FER: variants seen among roughly 807,000 people sequenced by gnomAD.
FER encodes the protein tyrosine-protein kinase Fer.
Under a neutral mutation model 111.0 loss-of-function variants are expected in FER, and 63 were observed. The ratio of observed to expected loss-of-function variants is 0.57; its 90% CI spans 0.46 to 0.70. FER has a LOEUF of 0.70. Ranked by LOEUF, FER falls within the 30% of genes least tolerant of loss-of-function variation. The pLI is 0.00. For synonymous variants in FER, 327 were observed against 313.9 expected (o/e 1.04, Z -0.44); for missense variants, 914 against 954.0 (o/e 0.96, Z 0.55).
At position 108,910,351 on chromosome 5, in the gene FER, T is replaced by A. The variant is rs1561600926; in HGVS notation, c.1236+12503T>A. 7.9e-5 allele frequency among the ~76,000 whole-genome samples: 12 copies of A among 152,310 alleles called. No individual in the cohort carries two copies. The South Asian group carries it at 2.3e-3, about 29-fold the overall frequency. Reference sequence around the variant, plus strand: ...TTCACATCAGCCAGTCTGGTTATAGTGGTCTCAACAAGAATGGGTACAGTG... The same window carrying A: ...TTCACATCAGCCAGTCTGGTTATAGAGGTCTCAACAAGAATGGGTACAGTG... On this transcript the variant is annotated intron_variant, in intron 10 of 19. Transcript: ENST00000281092.
chr5:109,158,842 A>G (rs573285360), intron 17 of FER, among the ~76,000 whole-genome samples: 20 of 152,242 alleles, frequency 1.3e-4, no homozygotes, highest in African/African-American at 4.8e-4. Context: ...TTTCTGCCAT[A>G]TCTTAGAATC....
At chr5:108,871,918 C>T (rs1764639974) in intron 7 of FER, among the ~76,000 whole-genome samples, 175 bp from the exon 8 acceptor site, 1 of 152,010 alleles carries the variant, frequency 6.6e-6, no homozygotes, top group Admixed American at 6.6e-5. Flanking sequence ...GATAAGGAAT[C>T]TAAGTCTCAA....
intron 13 of FER, among the ~76,000 whole-genome samples, chr5:109,006,398 G>C (rs1400110755): frequency 1.3e-5 from 2 of 152,114 alleles, no homozygotes; most frequent in African/African-American, 2.4e-5. Flanking sequence ...GAGTTCCTCT[G>C]CAAGTGTTCT....
chr5:109,160,632 C>A (rs1157198646), intron 17 of FER, among the ~76,000 whole-genome samples: 2 of 152,236 alleles, frequency 1.3e-5, no homozygotes, highest in East Asian at 3.9e-4. Context: ...GTTTTCATTA[C>A]TGTTGCCTTT....
intron 13 of FER, among the ~76,000 whole-genome samples, chr5:108,960,968 G>A (rs921675174): frequency 6.6e-6 from 1 of 152,096 alleles, no homozygotes; most frequent in Non-Finnish European, 1.5e-5. Context: ...CATGCCTGTA[G>A]TCCCAGCTAC....
chr5:108,772,410 C>T (rs1753026320), intron 2 of FER, among the ~76,000 whole-genome samples: 1 of 129,568 alleles, frequency 7.7e-6, no homozygotes, highest in Non-Finnish European at 1.7e-5. Flanking sequence ...GCTTCTTATG[C>T]CTCTTTATTC....
At chr5:108,963,161 C>G (rs1581415061) in intron 13 of FER, among the ~76,000 whole-genome samples, 1 of 152,196 alleles carries the variant, frequency 6.6e-6, no homozygotes, top group East Asian at 1.9e-4. Flanking sequence ...TTAAATGACA[C>G]TTTTGGAAGA....
chr5:108,913,276 A>G (rs946749971), intron 10 of FER, among the ~76,000 whole-genome samples: 1 of 152,176 alleles, frequency 6.6e-6, no homozygotes, highest in African/African-American at 2.4e-5. Flanking sequence ...GCAAAATGAA[A>G]CCATCAGCAT....
chr5:109,117,109 T>C (rs1178302650), intron 17 of FER, among the ~76,000 whole-genome samples: 1 of 152,178 alleles, frequency 6.6e-6, no homozygotes, highest in Non-Finnish European at 1.5e-5. Flanking sequence ...CTTTCTCAGA[T>C]ATAATATGTT....
chr5:108,997,838 G>A (rs1764197441), intron 13 of FER, among the ~76,000 whole-genome samples: 2 of 152,132 alleles, frequency 1.3e-5, no homozygotes. Flanking sequence ...CCAGAGAGGA[G>A]GAATCTAGAG....
intron 5 of FER, among the ~76,000 whole-genome samples, chr5:108,837,933 A>G (rs1760835718): frequency 6.6e-6 from 1 of 152,100 alleles, no homozygotes; most frequent in African/African-American, 2.4e-5. Flanking sequence ...GGTATTCATG[A>G]TAGTATTTTT....
intron 3 of FER, among the ~76,000 whole-genome samples, chr5:108,825,261 T>C (rs902534910): frequency 6.6e-6 from 1 of 151,722 alleles, no homozygotes; most frequent in African/African-American, 2.4e-5. Context: ...GAGACTGGAG[T>C]TTATTTCACC....
chr5:109,153,363 G>A (rs1161839651), intron 17 of FER, among the ~76,000 whole-genome samples: 1 of 151,648 alleles, frequency 6.6e-6, no homozygotes, highest in Non-Finnish European at 1.5e-5. Context: ...TGATATGATT[G>A]TTTTTCTTTG....
intron 16 of FER, among the ~76,000 whole-genome samples, chr5:109,059,804 A>G (rs1392025384): frequency 6.6e-6 from 1 of 152,212 alleles, no homozygotes; most frequent in African/African-American, 2.4e-5. Context: ...AATCTTTCAT[A>G]TGACCTAAGA....
At position 109,189,403 on chromosome 5, in the gene FER, T is replaced by C. The variant is rs1003479679; in HGVS notation, c.*1828T>C. 8 of 152,228 alleles carry C rather than the reference T, an allele frequency of 5.3e-5. No individual in the cohort carries two copies. The highest frequency in any genetic ancestry group is 1.2e-4 in the Non-Finnish European group (8 of 68,032). The allele number at this position is 152,228 out of a possible 1,614,324, so 9.4% of individuals were successfully genotyped here. On this transcript the variant is annotated 3_prime_UTR_variant, in exon 20 of 20. Coordinates refer to ENST00000281092, the MANE Select transcript of FER (RefSeq NM_005246.4). The stretch of plus-strand genomic sequence containing the variant: ...GCCCTCTCCAGCTGTTTGCTGCCTG[T>C]ACCATCGCACAGAACTCACACCAGT...
chr5:108,825,969 A>G (rs924172088), intron 3 of FER, among the ~76,000 whole-genome samples: 2 of 152,168 alleles, frequency 1.3e-5, no homozygotes, highest in African/African-American at 2.4e-5. Flanking sequence ...TTAGTATGCC[A>G]TTAAATGGAA....
chr5:108,774,611 G>A (rs186807012), intron 2 of FER, among the ~76,000 whole-genome samples: 1 of 152,178 alleles, frequency 6.6e-6, no homozygotes, highest in African/African-American at 2.4e-5. Flanking sequence ...TGGCATGAGA[G>A]GTTATCTCAT....
chr5:108,781,044 A>G (rs1179360383), intron 2 of FER, among the ~76,000 whole-genome samples: 1 of 152,104 alleles, frequency 6.6e-6, no homozygotes, highest in Non-Finnish European at 1.5e-5. Context: ...TACATTGCCC[A>G]TCTGTTCTTA....
chr5:108,831,752 A>C (rs547117405), intron 3 of FER, among the ~76,000 whole-genome samples: 25 of 152,356 alleles, frequency 1.6e-4, no homozygotes, highest in African/African-American at 5.5e-4. Context: ...GATGCTTATG[A>C]AATTTTGATT....
Sources: allele counts gnomAD v4.1 joint callset (sites outside exome capture counted in the v4.1 genomes callset), GRCh38; gene constraint gnomAD v4.1.1; transcripts MANE v1.5; gene names NCBI Gene and HGNC (gene_info 2026-07-23, HGNC 2026-07-21).